Variants in USP40 observed in about 807,000 individuals in gnomAD.
USP40 encodes ubiquitin carboxyl-terminal hydrolase 40.
Under a neutral mutation model 166.2 loss-of-function variants are expected in USP40, and 143 were observed. That is an observed-to-expected ratio of 0.86 (90% CI 0.75 to 0.99). The LOEUF is 0.99. Among genes scored for constraint, USP40 ranks in the 50% least tolerant of loss-of-function variants. The pLI is 0.00. For missense variants in USP40, 1,444 were observed against 1,479.7 expected (o/e 0.98, Z 0.40); for synonymous variants, 498 against 524.0 (o/e 0.95, Z 0.68).
intron 10 of USP40, among the ~76,000 whole-genome samples, chr2:233,538,269 T>C (rs950750680): frequency 6.6e-6 from 1 of 151,612 alleles, no homozygotes; most frequent in African/African-American, 2.4e-5. Context: ...AGATGAGAGA[T>C]TCAAACACAG....
At chr2:233,554,741 A>T (rs1453043819) in intron 5 of USP40, among the ~76,000 whole-genome samples, 4 of 152,184 alleles carry the variant, frequency 2.6e-5, no homozygotes, top group Non-Finnish European at 5.9e-5. Flanking sequence ...CTATCAGAAA[A>T]ATATAAGAAA....
chr2:233,498,455 T>G, intron 23 of USP40, 93 bp downstream of exon 23: 1 of 1,135,488 alleles, frequency 8.8e-7, no homozygotes, highest in African/African-American at 1.6e-5. Flanking sequence ...TAGAAAGTAA[T>G]TAAAGCTTTC....
At chr2:233,495,494 C>G (rs555529408) in intron 24 of USP40, among the ~76,000 whole-genome samples, 2 of 151,810 alleles carry the variant, frequency 1.3e-5, no homozygotes, top group African/African-American at 2.4e-5. Context: ...TGAGCTCAAG[C>G]GATTTGCCTG....
Position 233,485,865 on chromosome 2 carries a change from T to G in USP40, c.3310A>C (p.Arg1104=), listed in dbSNP as rs1267886197. 1 of 1,608,698 alleles carries G rather than the reference T, an allele frequency of 6.2e-7. No homozygotes were observed. Among genetic ancestry groups the G allele is most frequent in the Non-Finnish European group, 8.5e-7 (1 of 1,177,928 alleles). Residue 1104 remains arginine (R), a synonymous_variant, in exon 29 of 32, where the codon AGG becomes CGG. Transcript: ENST00000678225. The part of the protein sequence containing the change: ...AAQGGTAGSL[R]QRVADFYRLP... ...CGATAGAAATCGGCAACTCTCTGCC[T>G]CAGGGAGCCGGCAGTCCCACCCTGG... is the stretch of plus-strand genomic sequence containing the variant.
Position 233,562,727 on chromosome 2 carries a change from TAAA to T in USP40, c.267+6_267+8del. ...ACTTAAAGTATAATAATAATAATAATAAAAATACCTTTGCATCGGGTTTATCCT... is the reference window on the plus strand; with the variant it reads ...ACTTAAAGTATAATAATAATAATAATAATACCTTTGCATCGGGTTTATCCT... On this transcript the variant is annotated splice_donor_region_variant and intron_variant, in intron 3 of 31. Transcript: ENST00000678225. The T allele has an allele frequency of 2.0e-6, 3 of 1,494,978 alleles. No individual in the cohort carries two copies. Among genetic ancestry groups the T allele is most frequent in the Non-Finnish European group, 2.7e-6 (3 of 1,117,518 alleles). 92.6% of individuals were successfully genotyped at this position (1,494,978 alleles called of 1,614,324 possible).
chr2:233,509,841 A>T, intron 21 of USP40, among the ~76,000 whole-genome samples: 1 of 147,506 alleles, frequency 6.8e-6, no homozygotes, highest in African/African-American at 2.5e-5. Flanking sequence ...GACTCTCTAA[A>T]AAAAAAAAAA....
intron 31 of USP40, among the ~76,000 whole-genome samples, chr2:233,478,201 G>A (rs2064304099): frequency 6.6e-6 from 1 of 152,228 alleles, no homozygotes; most frequent in African/African-American, 2.4e-5. Context: ...CCATGTTTTT[G>A]AGGAGTAGAA....
chr2:233,526,521 CT>C (rs1378169086), intron 13 of USP40, among the ~76,000 whole-genome samples: 5 of 151,998 alleles, frequency 3.3e-5, no homozygotes, highest in African/African-American at 1.2e-4. Context: ...AGGGAAATTG[CT>C]TTGCTTTTCT....
intron 7 of USP40, among the ~76,000 whole-genome samples, chr2:233,550,304 A>G (rs2070434470): frequency 6.6e-6 from 1 of 152,166 alleles, no homozygotes; most frequent in Non-Finnish European, 1.5e-5. Flanking sequence ...GACTTCCTAT[A>G]TAAGTGCTCA....
In USP40 at chr2:233,512,637, A is replaced by AATATTATTTTTCTTAGT. The variant is rs143258246; in HGVS notation, c.2384-16_2384-15insACTAAGAAAAATAATAT. On this transcript the variant is annotated splice_polypyrimidine_tract_variant and intron_variant, in intron 18 of 31. Transcript: ENST00000678225. ...GCTGTTGTCAGCTATATATAAAAGG[A>AATATTATTTTTCTTAGT]ATATTATTTTTCTTAGAGAGCTAGG... is the stretch of plus-strand genomic sequence containing the variant. 0.18 allele frequency: 251,273 copies of AATATTATTTTTCTTAGT among 1,382,854 alleles called. 29,814 individuals are homozygous for AATATTATTTTTCTTAGT. The highest frequency in any genetic ancestry group is 0.43 in the African/African-American group (27,675 of 64,916). 85.7% of individuals were successfully genotyped at this position (1,382,854 alleles called of 1,614,324 possible).
intron 18 of USP40, among the ~76,000 whole-genome samples, chr2:233,518,209 G>GTT (rs371510633): frequency 0.012 from 1,172 of 97,428 alleles, 17 homozygotes; most frequent in East Asian, 0.044. Flanking sequence ...CTCAAAATAT[G>GTT]TTTTTTTTTT....
chr2:233,510,213 A>C, intron 20 of USP40, 78 bp from the exon 21 acceptor site: 1 of 1,151,058 alleles, frequency 8.7e-7, no homozygotes, highest in Non-Finnish European at 1.2e-6. Flanking sequence ...ACTTTCAAAA[A>C]TGTAAAGCCA....
intron 16 of USP40, among the ~76,000 whole-genome samples, chr2:233,521,953 C>T (rs1268351983): frequency 6.6e-6 from 1 of 152,204 alleles, no homozygotes; most frequent in Non-Finnish European, 1.5e-5. Flanking sequence ...TTTCAATCCT[C>T]TCAAGTCTAT....
intron 19 of USP40, 148 bp downstream of exon 19, chr2:233,512,421 A>G (rs899112857): frequency 2.4e-6 from 1 of 408,826 alleles, no homozygotes; most frequent in South Asian, 9.4e-5. Context: ...GATTTCTGCA[A>G]TATAAAGGTA....
At chr2:233,510,392 CTTTTTTTTTTTTTTTTT>C (rs1158427662) in intron 20 of USP40, among the ~76,000 whole-genome samples, 2 of 68,690 alleles carry the variant, frequency 2.9e-5, no homozygotes, top group Admixed American at 3.3e-4. Flanking sequence ...CTTTTTCTTT[CTTTTTTTTTTTTTTTTT>C]TTTTTTTTTT....
intron 30 of USP40, among the ~76,000 whole-genome samples, chr2:233,482,582 G>GTTTTTTTTTT (rs1203339243): frequency 2.2e-5 from 3 of 137,006 alleles, no homozygotes; most frequent in African/African-American, 5.7e-5. Flanking sequence ...TCCCACTGGA[G>GTTTTTTTTTT]TTTTTTTTTT....
At position 233,533,493 on chromosome 2, in the gene USP40, T is replaced by C. The variant is rs2068703342; in HGVS notation, c.1457A>G (p.Gln486Arg). The change falls in exon 11 of 32, where the codon CAG becomes CGG. Residue 486 changes from glutamine (Q) to arginine (R), a missense_variant. Coordinates refer to ENST00000678225, the MANE Select transcript of USP40 (RefSeq NM_001365479.2). ...TCTTTCCATACCTTCAGGGGGTCTCTGCAACTGGGATTTCCGATAAAACAA... is the reference window on the plus strand; with the variant it reads ...TCTTTCCATACCTTCAGGGGGTCTCCGCAACTGGGATTTCCGATAAAACAA... ...YMLFYRKSQLQRPPEARANPR... is the reference protein window; with the variant it reads ...YMLFYRKSQLRRPPEARANPR... The C allele has an allele frequency of 6.2e-7, 1 of 1,613,284 alleles. No individual in the cohort carries two copies. The highest frequency in any genetic ancestry group is 1.1e-5 in the South Asian group (1 of 91,036).
At chr2:233,478,617 T>C (rs1383834951) in intron 31 of USP40, among the ~76,000 whole-genome samples, 2 of 152,204 alleles carry the variant, frequency 1.3e-5, no homozygotes, top group Non-Finnish European at 2.9e-5. Flanking sequence ...ACATCTGTAC[T>C]GCAAAATGGT....
chr2:233,524,492 C>T lies in USP40; in HGVS notation c.1881G>A (p.Glu627=). The T allele has an allele frequency of 1.2e-6, 2 of 1,603,764 alleles. No individual in the cohort carries two copies. The highest frequency in any genetic ancestry group is 8.5e-7 in the Non-Finnish European group (1 of 1,175,816). ...ATATTTCTTCAGTAATTTTTTTTACCTCCACCCCATTCCACACAAAGATGT... is the reference window on the plus strand; with the variant it reads ...ATATTTCTTCAGTAATTTTTTTTACTTCCACCCCATTCCACACAAAGATGT... ...GEDIFVWNGV[E]VGGVHIQTGI... is the part of the protein sequence containing the mutation. Residue 627 remains glutamate, a splice_region_variant and synonymous_variant, in exon 15 of 32, where the codon GAG becomes GAA. Transcript: ENST00000678225.
Sources: gnomAD v4.1 joint callset for allele counts (sites outside exome capture counted in the v4.1 genomes callset) on GRCh38, gnomAD v4.1.1 for gene constraint, MANE v1.5 for transcripts, NCBI Gene and HGNC (gene_info 2026-07-23, HGNC 2026-07-21) for gene names.